The following FAM227B variants were observed in gnomAD, a reference collection of about 807,000 sequenced individuals.
FAM227B encodes family with sequence similarity 227 member B.
A neutral mutation model predicts 73.8 loss-of-function variants in FAM227B; 88 were observed. That is an observed-to-expected ratio of 1.19 (90% CI 1.00 to 1.42). FAM227B has a LOEUF of 1.42. Among genes scored for constraint, FAM227B ranks in the 40% most tolerant of loss-of-function variants. The probability of loss-of-function intolerance (pLI) is 0.00; values close to 1 mark genes in which losing one functional copy is unlikely to be tolerated. For synonymous variants in FAM227B, 210 were observed against 190.5 expected (o/e 1.10, Z -0.84); for missense variants, 632 against 590.9 (o/e 1.07, Z -0.72).
intron 8 of FAM227B, among the ~76,000 whole-genome samples, chr15:49,573,518 T>C (rs893223784): frequency 7.2e-5 from 11 of 152,152 alleles, no homozygotes; most frequent in African/African-American, 2.4e-4. Context: ...TTGGGGACAT[T>C]ACCCTCATGA....
rs33973907 is a variant in FAM227B, at chr15:49,337,508, C to CTTT, written c.1272-2015_1272-2013dup. ...AATGTCTGTTCATATCATTTACCCA[C>CTTT]TTTTTTTTTTTTTTTTTTTTTTTTT... On this transcript the variant is annotated intron_variant, in intron 13 of 15. Coordinates refer to ENST00000299338, the MANE Select transcript of FAM227B (RefSeq NM_152647.3). Among the ~76,000 whole-genome samples the CTTT allele has an allele frequency of 3.2e-3, 116 of 36,076 alleles. 15 individuals carry two copies. Among genetic ancestry groups the CTTT allele is most frequent in the African/African-American group, 0.012 (94 of 8,132 alleles). The allele number at this position is 36,076 out of a possible 152,430, so 23.7% of individuals were successfully genotyped here. A position where few individuals can be genotyped will look rare whatever the true frequency, so the allele number is the denominator to read the frequency against.
At chr15:49,468,031 T>C (rs1451351539) in intron 11 of FAM227B, among the ~76,000 whole-genome samples, 2 of 152,180 alleles carry the variant, frequency 1.3e-5, no homozygotes, top group East Asian at 1.9e-4. Context: ...AACAAGCTGC[T>C]GCAACTTAAA....
At chr15:49,344,750 A>C (rs2041228767) in intron 13 of FAM227B, among the ~76,000 whole-genome samples, 1 of 152,198 alleles carries the variant, frequency 6.6e-6, no homozygotes, top group Non-Finnish European at 1.5e-5. Flanking sequence ...TGGCTGTCAC[A>C]GACTGTGAAG....
At position 49,613,848 on chromosome 15, in the gene FAM227B, G is replaced by A. The variant is rs74631761; in HGVS notation, c.51+1273C>T. 5.7e-3 allele frequency among the ~76,000 whole-genome samples: 870 copies of A among 152,262 alleles called. 10 individuals carry two copies. The highest frequency in any genetic ancestry group is 0.02 in the African/African-American group (834 of 41,554). On this transcript the variant is annotated intron_variant, in intron 2 of 15. Coordinates refer to ENST00000299338, the MANE Select transcript of FAM227B (RefSeq NM_152647.3). The stretch of plus-strand genomic sequence containing the variant: ...AGATGCATAGAGATGTGAAGAACAT[G>A]TTATGGGAAACAGGGAACTCTAGAG...
intron 11 of FAM227B, among the ~76,000 whole-genome samples, chr15:49,491,497 G>T (rs556508857): frequency 6.6e-6 from 1 of 151,852 alleles, no homozygotes; most frequent in Admixed American, 6.6e-5. Context: ...TACACAAGTT[G>T]CAAATTGATT....
In FAM227B at chr15:49,424,822, T is replaced by C. The variant is rs572105913; in HGVS notation, c.1013-53423A>G. 236 of 307,848 alleles carry C rather than the reference T, an allele frequency of 7.7e-4. 7 individuals carry two copies. In the South Asian group the frequency reaches 0.026, roughly 34 times the overall value. The allele number at this position is 307,848 out of a possible 1,614,324, so 19.1% of individuals were successfully genotyped here. A position where few individuals can be genotyped will look rare whatever the true frequency, so the allele number is the denominator to read the frequency against. ...TCCAAGCCAATTTGAAAATATATAC[T>C]CCTTGTCCTGAAAATGCTCATAAGT... On this transcript the variant is annotated intron_variant, in intron 11 of 15. Coordinates refer to ENST00000299338, the MANE Select transcript of FAM227B (RefSeq NM_152647.3).
intron 10 of FAM227B, among the ~76,000 whole-genome samples, chr15:49,515,071 A>T (rs1040482237): frequency 1.1e-4 from 17 of 152,106 alleles, no homozygotes; most frequent in African/African-American, 4.1e-4. Context: ...TTTATAATAT[A>T]TTCTCTCTTT....
At chr15:49,515,552 G>A (rs1216794112) in intron 10 of FAM227B, among the ~76,000 whole-genome samples, 5 of 152,018 alleles carry the variant, frequency 3.3e-5, no homozygotes, top group Non-Finnish European at 5.9e-5. Flanking sequence ...AATATATTAT[G>A]CAGTGTAGTA....
intron 9 of FAM227B, among the ~76,000 whole-genome samples, chr15:49,550,920 CCAAGGCAGGCGGCTGGGAGGT>C (rs2072892383): frequency 6.6e-6 from 1 of 152,142 alleles, no homozygotes; most frequent in African/African-American, 2.4e-5. Flanking sequence ...CTTTGGGAGG[CCAAGGCAGGCGGCTGGGAGGT>C]GGAGGTTGTA....
At chr15:49,452,761 A>T (rs2052884297) in intron 11 of FAM227B, among the ~76,000 whole-genome samples, 1 of 152,166 alleles carries the variant, frequency 6.6e-6, no homozygotes, top group Non-Finnish European at 1.5e-5. Flanking sequence ...ATGTGCTTAC[A>T]AGATTATTAA....
intron 3 of FAM227B, among the ~76,000 whole-genome samples, chr15:49,610,349 G>A (rs2077809796): frequency 6.8e-6 from 1 of 147,688 alleles, no homozygotes; most frequent in African/African-American, 2.5e-5. Context: ...GATACACCAT[G>A]TGACTGAAGT....
At chr15:49,501,382 C>A (rs1388890565) in intron 11 of FAM227B, among the ~76,000 whole-genome samples, 1 of 152,180 alleles carries the variant, frequency 6.6e-6, no homozygotes, top group Non-Finnish European at 1.5e-5. Context: ...GAGCAAAGGT[C>A]ATCTGTGTTG....
At chr15:49,398,819 T>C (rs377378945) in intron 11 of FAM227B, among the ~76,000 whole-genome samples, 1 of 57,334 alleles carries the variant, frequency 1.7e-5, no homozygotes, top group Non-Finnish European at 3.8e-5. Context: ...AGACACAACA[T>C]ACCAGAATCT....
At chr15:49,381,122 C>T (rs935381011) in intron 11 of FAM227B, among the ~76,000 whole-genome samples, 1 of 152,104 alleles carries the variant, frequency 6.6e-6, no homozygotes, top group Admixed American at 6.5e-5. Context: ...CACAGGAACT[C>T]AGAGCAACAG....
chr15:49,589,953 G>C lies in FAM227B; in HGVS notation c.160C>G (p.Leu54Val). ...FRDDDKWSCT[L>V]KKIKEDSSFV... ...GAACTATCTTCTTTTATTTTTTTCAGAGTGCATGACCATTTATCATCATCT... is the reference window on the plus strand; with the variant it reads ...GAACTATCTTCTTTTATTTTTTTCACAGTGCATGACCATTTATCATCATCT... Residue 54 changes from leucine to valine, a missense_variant, in exon 4 of 16, where the codon CTG becomes GTG. By Grantham distance (32) the Leu-to-Val change is conservative. Transcript: ENST00000299338. The C allele has an allele frequency of 6.2e-7, 1 of 1,608,778 alleles. No homozygotes were observed. Among genetic ancestry groups the C allele is most frequent in the South Asian group, 1.1e-5 (1 of 90,962 alleles).
At chr15:49,424,477 A>G (rs2049956003) in intron 11 of FAM227B, 1 of 1,613,634 alleles carries the variant, frequency 6.2e-7, no homozygotes, top group African/African-American at 1.3e-5. Context: ...ATTACATGGA[A>G]GGAGGGGATA....
At position 49,355,356 on chromosome 15, in the gene FAM227B, T is replaced by A. The variant is rs1596458345; in HGVS notation, c.1271+12092A>T. Among the ~76,000 whole-genome samples the A allele has an allele frequency of 3.9e-5, 6 of 152,188 alleles. No individual in the cohort carries two copies. In the South Asian group the frequency reaches 6.2e-4, roughly 16 times the overall value. On this transcript the variant is annotated intron_variant, in intron 13 of 15. Coordinates refer to ENST00000299338, the MANE Select transcript of FAM227B (RefSeq NM_152647.3). ...GAAAACTTTGAAAAAAATTTAGCAG[T>A]ATGTATAACTAGAATAACCAATACA...
At chr15:49,489,870 A>ATATATATTT (rs1483495493) in intron 11 of FAM227B, among the ~76,000 whole-genome samples, 13 of 15,558 alleles carry the variant, frequency 8.4e-4, no homozygotes, top group Admixed American at 3.3e-3. Context: ...TTATATATAT[A>ATATATATTT]TATATATATA....
At chr15:49,571,375 AT>A (rs1385334732) in intron 8 of FAM227B, among the ~76,000 whole-genome samples, 3 of 151,774 alleles carry the variant, frequency 2.0e-5, no homozygotes, top group Non-Finnish European at 4.4e-5. Context: ...CCATTTGTCT[AT>A]TTTTTGCTTT....
Sources: gnomAD v4.1 joint callset for allele counts (sites outside exome capture counted in the v4.1 genomes callset) on GRCh38, gnomAD v4.1.1 for gene constraint, MANE v1.5 for transcripts, NCBI Gene and HGNC (gene_info 2026-07-23, HGNC 2026-07-21) for gene names.